Variants in TMEM108 observed in about 807,000 individuals in gnomAD.
TMEM108 encodes the protein transmembrane protein 108.
A neutral mutation model predicts 35.1 loss-of-function variants in TMEM108; 12 were observed. The ratio of observed to expected loss-of-function variants is 0.34; its 90% confidence interval spans 0.22 to 0.55. TMEM108 has a LOEUF of 0.55. TMEM108 is among the 20% of genes least tolerant of loss of function. TMEM108 has a pLI of 0.89. For missense variants in TMEM108, 680 were observed against 753.3 expected (o/e 0.90, Z 1.14); for synonymous variants, 287 against 308.6 (o/e 0.93, Z 0.73).
At chr3:133,220,268 T>G (rs1490665385) in intron 2 of TMEM108, among the ~76,000 whole-genome samples, 1 of 151,670 alleles carries the variant, frequency 6.6e-6, no homozygotes, top group Non-Finnish European at 1.5e-5. Context: ...TTTTTTATTA[T>G]TATTCATCCA....
chr3:133,107,167 A>G (rs1303242468), intron 2 of TMEM108, among the ~76,000 whole-genome samples: 3 of 152,164 alleles, frequency 2.0e-5, no homozygotes, highest in African/African-American at 7.2e-5. Flanking sequence ...AGTATTTACA[A>G]ATTAACTGAA....
chr3:133,241,377 C>T (rs1992994), intron 3 of TMEM108, among the ~76,000 whole-genome samples: 18,243 of 152,206 alleles, frequency 0.12, 1,486 homozygotes, highest in East Asian at 0.38. Context: ...CAAGCTTTCT[C>T]ATCTCTTTGC....
At chr3:133,226,440 G>T (rs1422063450) in intron 2 of TMEM108, among the ~76,000 whole-genome samples, 1 of 152,154 alleles carries the variant, frequency 6.6e-6, no homozygotes, top group African/African-American at 2.4e-5. Flanking sequence ...ATTTTTCAGG[G>T]CCTGCTATCT....
rs576793855 is a variant in TMEM108, at chr3:133,226,024, T to C, written c.-46-3242T>C. Among the ~76,000 whole-genome samples, 31 of 152,348 alleles carry C rather than the reference T, an allele frequency of 2.0e-4. No homozygotes were observed. The South Asian group carries it at 6.0e-3, about 30-fold the overall frequency. On this transcript the variant is annotated intron_variant, in intron 2 of 5. Transcript: ENST00000321871. ...GACATCAGTCAATACATGTGAGGTA[T>C]ACATTGTTTTGGTCTAGAAAGGTGA...
intron 2 of TMEM108, among the ~76,000 whole-genome samples, chr3:133,199,361 C>T (rs1576376968): frequency 6.6e-6 from 1 of 152,298 alleles, no homozygotes; most frequent in Non-Finnish European, 1.5e-5. Context: ...AGAAAAGGCA[C>T]TCTGATTTTT....
intron 3 of TMEM108, among the ~76,000 whole-genome samples, chr3:133,338,982 T>TAAATAATAACACCAAAGA (rs1452362468): frequency 1.3e-5 from 2 of 151,534 alleles, no homozygotes; most frequent in South Asian, 4.2e-4. Context: ...AGCAAGAAAT[T>TAAATAATAACACCAAAGA]AAATAATAAC....
chr3:133,239,489 T>G (rs1229327131), intron 3 of TMEM108, among the ~76,000 whole-genome samples: 1 of 152,174 alleles, frequency 6.6e-6, no homozygotes, highest in East Asian at 1.9e-4. Flanking sequence ...ATCAGAATCT[T>G]TGGGCATGGG....
intron 3 of TMEM108, among the ~76,000 whole-genome samples, chr3:133,374,432 AAG>A (rs2072770505): frequency 6.6e-6 from 1 of 152,122 alleles, no homozygotes; most frequent in African/African-American, 2.4e-5. Context: ...TTATGAAAAA[AAG>A]ATAAAATTCT....
At chr3:133,142,355 A>T (rs898970439) in intron 2 of TMEM108, among the ~76,000 whole-genome samples, 1 of 152,230 alleles carries the variant, frequency 6.6e-6, no homozygotes, top group Non-Finnish European at 1.5e-5. Context: ...AAGGGTGCTG[A>T]GGAGCCAGGG....
chr3:133,345,862 T>C (rs1018057500), intron 3 of TMEM108, among the ~76,000 whole-genome samples: 5 of 151,982 alleles, frequency 3.3e-5, no homozygotes, highest in African/African-American at 1.2e-4. Flanking sequence ...ATATGAATTT[T>C]GCTGTATGCA....
intron 2 of TMEM108, among the ~76,000 whole-genome samples, chr3:133,068,588 A>G (rs1441616452): frequency 1.3e-5 from 2 of 152,156 alleles, no homozygotes; most frequent in Non-Finnish European, 2.9e-5. Flanking sequence ...GTGGATAGGA[A>G]AGGGAGAATG....
chr3:133,354,669 C>A (rs888647688), intron 3 of TMEM108, among the ~76,000 whole-genome samples: 1 of 152,054 alleles, frequency 6.6e-6, no homozygotes, highest in Non-Finnish European at 1.5e-5. Flanking sequence ...TTTCCTGCCA[C>A]CCCATCATGC....
intron 2 of TMEM108, among the ~76,000 whole-genome samples, chr3:133,188,567 C>T (rs1325693183): frequency 6.6e-6 from 1 of 152,052 alleles, no homozygotes; most frequent in Non-Finnish European, 1.5e-5. Flanking sequence ...GGGCAATAAA[C>T]ACTGTCCGTC....
intron 2 of TMEM108, among the ~76,000 whole-genome samples, chr3:133,128,486 G>A (rs1278086668): frequency 6.6e-6 from 1 of 152,110 alleles, no homozygotes; most frequent in Non-Finnish European, 1.5e-5. Flanking sequence ...AGACAGCTAA[G>A]GCTTCGTGGA....
chr3:133,395,733 A>T, intron 5 of TMEM108, 131 bp from the exon 6 acceptor site: 1 of 906,114 alleles, frequency 1.1e-6, no homozygotes, highest in Non-Finnish European at 1.5e-6. Context: ...CAGCATTAGC[A>T]GTAGGGATGA....
intron 2 of TMEM108, among the ~76,000 whole-genome samples, chr3:133,191,874 A>G (rs1452903473): frequency 1.3e-5 from 2 of 152,060 alleles, no homozygotes; most frequent in Non-Finnish European, 2.9e-5. Flanking sequence ...ATGGGGTAAA[A>G]TCATGATGCT....
chr3:133,239,598 G>A (rs1179477806), intron 3 of TMEM108, among the ~76,000 whole-genome samples: 1 of 152,208 alleles, frequency 6.6e-6, no homozygotes, highest in East Asian at 1.9e-4. Context: ...TCACCTTAAG[G>A]GCTTATTTAA....
chr3:133,325,918 T>C (rs975300011), intron 3 of TMEM108, among the ~76,000 whole-genome samples: 2 of 152,028 alleles, frequency 1.3e-5, no homozygotes, highest in African/African-American at 4.8e-5. Context: ...ATTTTAGAGG[T>C]ACATGCTAAC....
intron 2 of TMEM108, among the ~76,000 whole-genome samples, chr3:133,227,914 A>G (rs1373371459): frequency 6.6e-6 from 1 of 152,104 alleles, no homozygotes; most frequent in Non-Finnish European, 1.5e-5. Flanking sequence ...ATAAAATAAA[A>G]TGAAAACATT....
Sources: gnomAD v4.1 joint callset for allele counts (sites outside exome capture counted in the v4.1 genomes callset) on GRCh38, gnomAD v4.1.1 for gene constraint, MANE v1.5 for transcripts, NCBI Gene and HGNC (gene_info 2026-07-23, HGNC 2026-07-21) for gene names.